The following TENM2 variants were observed in gnomAD, a reference collection of about 807,000 sequenced individuals.
TENM2 encodes teneurin-2.
Under a neutral mutation model 245.2 loss-of-function variants are expected in TENM2, and 52 were observed. The ratio of observed to expected loss-of-function variants is 0.21; its 90% CI spans 0.17 to 0.27. The LOEUF (loss-of-function observed/expected upper bound fraction) is 0.27, where lower values mean the gene tolerates loss of function less well. TENM2 is among the 10% of genes least tolerant of loss of function. The probability of loss-of-function intolerance (pLI) is 1.00; values close to 1 mark genes in which losing one functional copy is unlikely to be tolerated. For synonymous variants in TENM2, 1,363 were observed against 1,438.9 expected (o/e 0.95, Z 1.19); for missense variants, 3,046 against 3,666.8 (o/e 0.83, Z 4.37).
intron 2 of TENM2, among the ~76,000 whole-genome samples, chr5:167,628,826 G>C (rs1457665824): frequency 1.3e-5 from 2 of 152,090 alleles, no homozygotes; most frequent in Non-Finnish European, 2.9e-5. Context: ...TGTTACTATT[G>C]CTAATATTCT....
At chr5:168,233,477 C>T (rs113117990) in intron 25 of TENM2, among the ~76,000 whole-genome samples, 1,532 of 152,298 alleles carry the variant, frequency 0.01, 13 homozygotes, top group Middle Eastern at 0.024. Context: ...CTTCTATAGG[C>T]GCCTTCTTAA....
At chr5:168,115,359 G>GGGGAGGAA (rs1794980078) in intron 9 of TENM2, among the ~76,000 whole-genome samples, 1 of 71,598 alleles carries the variant, frequency 1.4e-5, no homozygotes, top group Non-Finnish European at 2.5e-5. Context: ...AGGGAAGGAA[G>GGGGAGGAA]GGAAGGAAGG....
the TENM2 span, among the ~76,000 whole-genome samples, chr5:167,167,583 C>T: frequency 6.6e-6 from 1 of 152,176 alleles, no homozygotes; most frequent in Non-Finnish European, 1.5e-5. Flanking sequence ...TTAAAAATTC[C>T]TATCTCTGGG....
intron 3 of TENM2, among the ~76,000 whole-genome samples, chr5:167,883,124 T>C (rs1044710525): frequency 6.6e-6 from 1 of 152,152 alleles, no homozygotes; most frequent in Non-Finnish European, 1.5e-5. Context: ...TGGTATGCTA[T>C]AACACTTGGC....
chr5:167,451,524 A>T (rs11742767), intron 2 of TENM2, among the ~76,000 whole-genome samples: 1 of 152,104 alleles, frequency 6.6e-6, no homozygotes, highest in Non-Finnish European at 1.5e-5. Context: ...AGAAAAGAAT[A>T]GTCCAGGCCG....
chr5:167,073,761 G>C, the TENM2 span, among the ~76,000 whole-genome samples: 5 of 152,152 alleles, frequency 3.3e-5, no homozygotes, highest in African/African-American at 7.2e-5. Flanking sequence ...GAGTGCAAAG[G>C]CCTTTTGGAT....
chr5:167,473,380 A>G (rs73801228), intron 2 of TENM2, among the ~76,000 whole-genome samples: 8,395 of 152,280 alleles, frequency 0.055, 345 homozygotes, highest in East Asian at 0.14. Flanking sequence ...ATGGTCTGGC[A>G]CTTTCAGCAT....
intron 13 of TENM2, among the ~76,000 whole-genome samples, chr5:168,172,170 C>T (rs2152471743): frequency 6.6e-6 from 1 of 152,182 alleles, no homozygotes; most frequent in East Asian, 1.9e-4. Flanking sequence ...CTGCCAAATG[C>T]CCTACACACA....
At chr5:167,915,018 T>C (rs534310665) in intron 3 of TENM2, among the ~76,000 whole-genome samples, 19 of 152,166 alleles carry the variant, frequency 1.2e-4, no homozygotes, top group Admixed American at 3.3e-4. Context: ...ATCTTTGTGG[T>C]GGGGAGACAC....
At chr5:167,345,920 G>A (rs902464962) in intron 1 of TENM2, among the ~76,000 whole-genome samples, 94 of 145,460 alleles carry the variant, frequency 6.5e-4, no homozygotes, top group African/African-American at 2.3e-3. Flanking sequence ...CAAGTAATCA[G>A]TGAAAGGAAA....
chr5:167,854,231 A>T (rs1051694277), intron 2 of TENM2, among the ~76,000 whole-genome samples: 7 of 152,200 alleles, frequency 4.6e-5, no homozygotes, highest in African/African-American at 1.7e-4. Context: ...CCCCTCCCTA[A>T]ATTAACTGTG....
chr5:167,327,512 A>G (rs1244625944), intron 1 of TENM2, among the ~76,000 whole-genome samples: 3 of 152,228 alleles, frequency 2.0e-5, no homozygotes, highest in Non-Finnish European at 4.4e-5. Flanking sequence ...TATCTGGCGC[A>G]TAGACACCCA....
At chr5:167,544,663 C>A (rs1204042431) in intron 2 of TENM2, among the ~76,000 whole-genome samples, 1 of 152,138 alleles carries the variant, frequency 6.6e-6, no homozygotes, top group East Asian at 1.9e-4. Context: ...ATTTATTCAT[C>A]CATTCATCAT....
At chr5:167,905,294 A>G (rs1042985367) in intron 3 of TENM2, among the ~76,000 whole-genome samples, 1 of 152,222 alleles carries the variant, frequency 6.6e-6, no homozygotes, top group Non-Finnish European at 1.5e-5. Context: ...AAAGGGGGAA[A>G]TAGGCACTAT....
At chr5:167,315,124 A>T (rs1252753359) in intron 1 of TENM2, among the ~76,000 whole-genome samples, 1 of 152,136 alleles carries the variant, frequency 6.6e-6, no homozygotes, top group East Asian at 1.9e-4. Context: ...AAGTTTCTGG[A>T]AATGAGATTA....
the TENM2 span, among the ~76,000 whole-genome samples, chr5:167,190,906 A>G: frequency 6.6e-6 from 1 of 152,128 alleles, no homozygotes; most frequent in Non-Finnish European, 1.5e-5. Context: ...TGTGAAATAC[A>G]TGCTGCTTTA....
intron 1 of TENM2, among the ~76,000 whole-genome samples, chr5:167,344,957 G>C (rs950899938): frequency 6.6e-6 from 1 of 152,162 alleles, no homozygotes; most frequent in Non-Finnish European, 1.5e-5. Flanking sequence ...ACTCTAAGAT[G>C]AGGATGCAGA....
chr5:168,045,087 G>T (rs759254497), intron 5 of TENM2, among the ~76,000 whole-genome samples: 150 of 152,174 alleles, frequency 9.9e-4, no homozygotes, highest in Non-Finnish European at 1.8e-3. Context: ...TTGTTGCATT[G>T]CTTCTTTTGG....
intron 12 of TENM2, among the ~76,000 whole-genome samples, chr5:168,138,955 C>T (rs1463828237): frequency 1.3e-5 from 2 of 152,158 alleles, no homozygotes; most frequent in South Asian, 2.1e-4. Context: ...AACTTTAGAC[C>T]TCAGCTGCCT....
Sources: allele counts gnomAD v4.1 joint callset (sites outside exome capture counted in the v4.1 genomes callset), GRCh38; gene constraint gnomAD v4.1.1; transcripts MANE v1.5; gene names NCBI Gene and HGNC (gene_info 2026-07-23, HGNC 2026-07-21).